NTN4: variants seen among roughly 807,000 people sequenced by gnomAD.
NTN4 encodes the protein netrin-4.
A neutral mutation model predicts 73.6 loss-of-function variants in NTN4; 32 were observed. That is an observed-to-expected ratio of 0.44 (90% CI 0.33 to 0.58). The LOEUF (loss-of-function observed/expected upper bound fraction) is 0.58, where lower values mean the gene tolerates loss of function less well. Among genes scored for constraint, NTN4 ranks in the 20% least tolerant of loss-of-function variants. NTN4 has a pLI of 0.04. For synonymous variants in NTN4, 258 were observed against 287.5 expected, an observed-to-expected ratio of 0.90 and a Z score of 1.04; for missense variants, 654 against 798.3, an observed-to-expected ratio of 0.82 and a Z score of 2.18.
intron 3 of NTN4, among the ~76,000 whole-genome samples, chr12:95,729,536 G>T (rs917183642): frequency 3.3e-5 from 5 of 151,794 alleles, no homozygotes; most frequent in Non-Finnish European, 7.4e-5. Flanking sequence ...GGTTTTGAAT[G>T]TCAACATCAA....
At chr12:95,752,346 C>T (rs1421910417) in intron 2 of NTN4, among the ~76,000 whole-genome samples, 35 of 148,098 alleles carry the variant, frequency 2.4e-4, no homozygotes, top group South Asian at 1.4e-3. Flanking sequence ...CCCCGTGGTG[C>T]CAAACCCATA....
chr12:95,683,195 G>T (rs962968314), intron 6 of NTN4, among the ~76,000 whole-genome samples: 3 of 152,174 alleles, frequency 2.0e-5, no homozygotes, highest in African/African-American at 7.2e-5. Flanking sequence ...GAGTAGCCGG[G>T]ATTACTGGTG....
At chr12:95,667,834 TG>T (rs2078193770) in intron 8 of NTN4, among the ~76,000 whole-genome samples, 1 of 150,750 alleles carries the variant, frequency 6.6e-6, no homozygotes, top group African/African-American at 2.5e-5. Context: ...CACTCCAGCC[TG>T]GGCGACAGAG....
chr12:95,738,652 A>T (rs1256236909), intron 2 of NTN4, among the ~76,000 whole-genome samples: 1 of 152,140 alleles, frequency 6.6e-6, no homozygotes, highest in African/African-American at 2.4e-5. Context: ...GTAGGCAGAG[A>T]GGTGATATCT....
chr12:95,730,663 TAAATA>T (rs2078730894), intron 3 of NTN4, among the ~76,000 whole-genome samples: 1 of 152,170 alleles, frequency 6.6e-6, no homozygotes, highest in Non-Finnish European at 1.5e-5. Context: ...TATGAGGTAG[TAAATA>T]AAGTAAAATC....
intron 4 of NTN4, among the ~76,000 whole-genome samples, chr12:95,711,081 T>A (rs1274431660): frequency 6.6e-6 from 1 of 152,170 alleles, no homozygotes; most frequent in Non-Finnish European, 1.5e-5. Context: ...ATCAAAGCAA[T>A]ATAGAAAGGT....
chr12:95,790,101 C>T lies in NTN4; in HGVS notation c.55+154G>A, dbSNP rs556619658. 3.5e-6 allele frequency: 2 copies of T among 566,342 alleles called. No individual in the cohort carries two copies. Among genetic ancestry groups the T allele is most frequent in the South Asian group, 2.8e-5 (1 of 35,112 alleles). 35.1% of individuals were successfully genotyped at this position (566,342 alleles called of 1,614,324 possible). A position where few individuals can be genotyped will look rare whatever the true frequency, so the allele number is the denominator to read the frequency against. On this transcript the variant is annotated intron_variant, in intron 1 of 9. Coordinates refer to ENST00000343702, the MANE Select transcript of NTN4 (RefSeq NM_021229.4). The surrounding 1 kb of genome is among the most constrained non-coding windows in gnomAD (Gnocchi z 6.5). ...ATCAATAGTATTTGAAACTGCGGAG[C>T]CCCGGGGAAAGGAGGCGGAACATGG...
Position 95,664,361 on chromosome 12 carries a change from T to C in NTN4, c.1750+1449A>G, listed in dbSNP as rs148078446. 4.5e-3 allele frequency among the ~76,000 whole-genome samples: 681 copies of C among 152,170 alleles called. 5 individuals are homozygous for C. The highest frequency in any genetic ancestry group is 0.016 in the African/African-American group (653 of 41,554). ...GCGTGAACCACCATGCCCAGTCTAT[T>C]TATTTATTTATATAATTTAAAACAT... On this transcript the variant is annotated intron_variant, in intron 9 of 9. Transcript: ENST00000343702.
At chr12:95,701,214 A>C (rs1246825764) in intron 5 of NTN4, among the ~76,000 whole-genome samples, 1 of 152,186 alleles carries the variant, frequency 6.6e-6, no homozygotes, top group Non-Finnish European at 1.5e-5. Flanking sequence ...TTACTCTAAA[A>C]GAGACTATCC....
intron 2 of NTN4, among the ~76,000 whole-genome samples, chr12:95,746,957 G>A (rs1240565246): frequency 6.6e-6 from 1 of 152,106 alleles, no homozygotes; most frequent in Non-Finnish European, 1.5e-5. Context: ...GGTAAATCTG[G>A]TCCTTATTAC....
chr12:95,768,559 G>T (rs2079035526), intron 2 of NTN4, among the ~76,000 whole-genome samples: 1 of 152,096 alleles, frequency 6.6e-6, no homozygotes, highest in Non-Finnish European at 1.5e-5. Flanking sequence ...GATGAGACAA[G>T]AGGCCAGGGG....
At chr12:95,729,632 AGTGTGTGTGTGTGTGT>A (rs758891542) in intron 3 of NTN4, among the ~76,000 whole-genome samples, 14 of 124,088 alleles carry the variant, frequency 1.1e-4, no homozygotes, top group Admixed American at 3.3e-4. Flanking sequence ...AGAGAGAGAG[AGTGTGTGTGTGTGTGT>A]GTGTGTGTGT....
chr12:95,731,190 C>A lies in NTN4; in HGVS notation c.864+6676G>T, dbSNP rs903193007. Among the ~76,000 whole-genome samples the A allele has an allele frequency of 3.3e-5, 5 of 152,258 alleles. 1 individual carries two copies. In the South Asian group the frequency reaches 8.3e-4, roughly 25 times the overall value. On this transcript the variant is annotated intron_variant, in intron 3 of 9. Coordinates refer to ENST00000343702, the MANE Select transcript of NTN4 (RefSeq NM_021229.4). The stretch of plus-strand genomic sequence containing the variant: ...AAATGTAGAGGACTTGGATAGTTTA[C>A]CTATCCTTGTAAGAGCAGTCATACC...
rs1014935179 is a variant in NTN4 at position 95,758,765 on chromosome 12, A to G, written c.586-20621T>C. ...TTTTTTGTAGAGATGGGATCTCCCT[A>G]TGTTGCCCAGGCTGGTCTCAAACTC... On this transcript the variant is annotated intron_variant, in intron 2 of 9. Coordinates refer to ENST00000343702, the MANE Select transcript of NTN4 (RefSeq NM_021229.4). 7.2e-5 allele frequency among the ~76,000 whole-genome samples: 11 copies of G among 152,172 alleles called. No homozygotes were observed. In the South Asian group the frequency reaches 8.3e-4, roughly 11 times the overall value.
chr12:95,788,521 A>AG (rs1491224256), intron 1 of NTN4, among the ~76,000 whole-genome samples: 2 of 139,578 alleles, frequency 1.4e-5, no homozygotes, highest in Non-Finnish European at 2.9e-5. Context: ...GTTAAAACAG[A>AG]GGGGGAAAGA....
intron 2 of NTN4, among the ~76,000 whole-genome samples, chr12:95,741,829 G>A (rs1015749310): frequency 4.6e-5 from 7 of 151,876 alleles, no homozygotes; most frequent in Middle Eastern, 3.4e-3. Flanking sequence ...CATGGTTGAT[G>A]GTTACTGAAA....
chr12:95,727,530 T>G (rs1343921337), intron 3 of NTN4, among the ~76,000 whole-genome samples: 1 of 152,216 alleles, frequency 6.6e-6, no homozygotes, highest in African/African-American at 2.4e-5. Flanking sequence ...TCTACACCTA[T>G]GTTTCTTTAT....
At chr12:95,722,594 C>T (rs2078656649) in intron 3 of NTN4, among the ~76,000 whole-genome samples, 1 of 152,142 alleles carries the variant, frequency 6.6e-6, no homozygotes, top group South Asian at 2.1e-4. Flanking sequence ...CACTGCAATC[C>T]AGCCTGGGCC....
chr12:95,748,522 C>T lies in NTN4; in HGVS notation c.586-10378G>A, dbSNP rs569607743. On this transcript the variant is annotated intron_variant, in intron 2 of 9. Transcript: ENST00000343702. ...AGATGGAGTCTCGCTCTGTTGTCCACGTTGGAATGCAGTGGCATGATCTCG... is the reference window on the plus strand; with the variant it reads ...AGATGGAGTCTCGCTCTGTTGTCCATGTTGGAATGCAGTGGCATGATCTCG... Among the ~76,000 whole-genome samples the T allele has an allele frequency of 2.0e-4, 28 of 140,286 alleles. No homozygotes were observed. The South Asian group carries it at 4.9e-3, about 24-fold the overall frequency. 92.0% of individuals were successfully genotyped at this position (140,286 alleles called of 152,430 possible). A position where few individuals can be genotyped will look rare whatever the true frequency, so the allele number is the denominator to read the frequency against.
Sources: gnomAD v4.1 joint callset for allele counts (sites outside exome capture counted in the v4.1 genomes callset) on GRCh38, gnomAD v4.1.1 for gene constraint, Gnocchi (gnomAD v3.1) non-coding constraint, MANE v1.5 for transcripts, NCBI Gene and HGNC (gene_info 2026-07-23, HGNC 2026-07-21) for gene names.